The following MGAM variants were observed in gnomAD, a reference collection of about 807,000 sequenced individuals.
The protein encoded by MGAM is alpha-1,4-glucosidase.
Under a neutral mutation model 358.8 loss-of-function variants are expected in MGAM, and 253 were observed. The ratio of observed to expected loss-of-function variants is 0.71; its 90% CI spans 0.64 to 0.78. The LOEUF (loss-of-function observed/expected upper bound fraction) is 0.78, where lower values mean the gene tolerates loss of function less well. Among genes scored for constraint, MGAM ranks in the 30% least tolerant of loss-of-function variants. MGAM has a pLI of 0.00. For missense variants in MGAM, 3,080 were observed against 3,432.6 expected, an observed-to-expected ratio of 0.90 and a Z score of 2.57; for synonymous variants, 1,105 against 1,227.1, an observed-to-expected ratio of 0.90 and a Z score of 2.08.
In MGAM at chr7:142,060,338, G is replaced by A. The variant is rs1265060042; in HGVS notation, c.4087G>A (p.Val1363Met). ...CTGGCCTGATTTTCCTGATGTTGTT[G>A]TGAATGGGTCTCTAGACTGGGACAG... ...KVWPDFPDVV[V>M]NGSLDWDSQV... The change falls in exon 34 of 71, where the codon GTG becomes ATG. Residue 1363 changes from valine (V) to methionine (M), a missense_variant. Val to Met is a conservative substitution (Grantham distance 21). This residue lies in a region of MGAM where 1,816 missense variants were observed against 1,840.5 expected (regional missense o/e 0.99). Transcript: ENST00000475668. 1 of 1,613,944 alleles carries A rather than the reference G, an allele frequency of 6.2e-7. No homozygotes were observed. The highest frequency in any genetic ancestry group is 8.5e-7 in the Non-Finnish European group (1 of 1,179,878).
Position 142,095,593 on chromosome 7 carries a change from C to A in MGAM, c.7487C>A (p.Ala2496Asp). 1 of 1,613,760 alleles carries A rather than the reference C, an allele frequency of 6.2e-7. No individual in the cohort carries two copies. Among genetic ancestry groups the A allele is most frequent in the Non-Finnish European group, 8.5e-7 (1 of 1,179,742 alleles). ...RRQDPVSWDV[A>D]FVNISRTVLQ... ...CAAGACCCTGTGTCCTGGGATGTTG[C>A]TTTTGTGAATATTTCCAGAACTGTC... The change falls in exon 64 of 71, where the codon GCT becomes GAT. Residue 2496 changes from alanine to aspartate, a missense_variant. Coordinates refer to ENST00000475668, the MANE Select transcript of MGAM (RefSeq NM_001365693.1).
intron 57 of MGAM, among the ~76,000 whole-genome samples, chr7:142,087,199 C>A (rs1489637767): frequency 6.9e-6 from 1 of 144,610 alleles, no homozygotes; most frequent in Non-Finnish European, 1.6e-5. Context: ...CCTTTCCACA[C>A]TTATAATTCC....
rs1417776714 is a variant in MGAM at position 142,085,335 on chromosome 7, A to G, written c.6508-498A>G. Among the ~76,000 whole-genome samples, 6 of 146,726 alleles carry G rather than the reference A, an allele frequency of 4.1e-5. 2 individuals carry two copies. In the Admixed American group the frequency reaches 4.1e-4, roughly 10 times the overall value. ...TGAAATGCAATATTTCATTCTCCAGAAGAATGTAGTGTCTGATTTCCCTCA... is the reference window on the plus strand; with the variant it reads ...TGAAATGCAATATTTCATTCTCCAGGAGAATGTAGTGTCTGATTTCCCTCA... On this transcript the variant is annotated intron_variant, in intron 54 of 70. Transcript: ENST00000475668.
intron 57 of MGAM, among the ~76,000 whole-genome samples, chr7:142,091,486 G>T (rs1432108679): frequency 6.9e-5 from 10 of 145,596 alleles, no homozygotes; most frequent in Admixed American, 1.4e-4. Flanking sequence ...CTCCCCTCTC[G>T]CAGTGGGAAT....
In MGAM at chr7:142,036,846, A is replaced by G; in HGVS notation, c.2100A>G (p.Gly700=). The change falls in exon 18 of 71, where the codon GGA becomes GGG. Residue 700 remains glycine (G), a synonymous_variant. Transcript: ENST00000475668. Reference sequence around the variant, plus strand: ...AGGACCAGGATCCTGCCTCCTTTGGAGCTGACTCCCTGCTGTTGAATTCCT... The same window carrying G: ...AGGACCAGGATCCTGCCTCCTTTGGGGCTGACTCCCTGCTGTTGAATTCCT... ...GYKDQDPASF[G]ADSLLLNSSR... 1 of 1,613,548 alleles carries G rather than the reference A, an allele frequency of 6.2e-7. No individual in the cohort carries two copies. Among genetic ancestry groups the G allele is most frequent in the Non-Finnish European group, 8.5e-7 (1 of 1,179,602 alleles).
At chr7:142,098,502 C>T (rs1363072933) in intron 66 of MGAM, among the ~76,000 whole-genome samples, 1 of 152,086 alleles carries the variant, frequency 6.6e-6, no homozygotes, top group Non-Finnish European at 1.5e-5. Flanking sequence ...CCCTTTCATC[C>T]AAGGGGATTG....
At chr7:141,993,834 G>A (rs1410568363), upstream of MGAM, among the ~76,000 whole-genome samples, 9 of 152,228 alleles carry the variant, frequency 5.9e-5, 1 homozygote, top group Middle Eastern at 0.017. Context: ...AATTGCAATC[G>A]CTATTAGACA....
At chr7:142,044,518 T>C (rs111066469) in intron 21 of MGAM, among the ~76,000 whole-genome samples, 3,635 of 89,580 alleles carry the variant, frequency 0.041, 506 homozygotes, top group African/African-American at 0.13. Context: ...ATATAATGTA[T>C]ATTATACACT....
At chr7:142,097,233 A>G (rs1448572799) in intron 65 of MGAM, among the ~76,000 whole-genome samples, 1 of 152,136 alleles carries the variant, frequency 6.6e-6, no homozygotes, top group African/African-American at 2.4e-5. Context: ...CACCGTGTCC[A>G]GCCCGCAAAT....
At chr7:142,041,951 T>TA (rs1261955228) in intron 21 of MGAM, among the ~76,000 whole-genome samples, 743 of 11,150 alleles carry the variant, frequency 0.067, 25 homozygotes, top group African/African-American at 0.092. Context: ...TATATATACA[T>TA]ATATATAATA....
At chr7:142,067,945 TATATATATATATATATATAA>T (rs1411327919) in intron 42 of MGAM, among the ~76,000 whole-genome samples, 2 of 37,276 alleles carry the variant, frequency 5.4e-5, no homozygotes, top group Admixed American at 4.5e-4. Flanking sequence ...AATATATATA[TATATATATATATATATATAA>T]ATATATATAT....
chr7:142,103,874 T>G (rs926500922), intron 70 of MGAM, among the ~76,000 whole-genome samples: 1 of 150,068 alleles, frequency 6.7e-6, no homozygotes, highest in African/African-American at 2.5e-5. Context: ...TTTTTTTTTT[T>G]GAGACGGAGT....
At chr7:142,026,324 T>C (rs1191919625) in intron 8 of MGAM, among the ~76,000 whole-genome samples, 1 of 152,212 alleles carries the variant, frequency 6.6e-6, no homozygotes, top group African/African-American at 2.4e-5. Context: ...TCTGTGGTTA[T>C]GAAAGTCAGA....
chr7:142,063,429 T>C, intron 35 of MGAM, 70 bp from the exon 36 acceptor site: 1 of 1,547,102 alleles, frequency 6.5e-7, no homozygotes, highest in Non-Finnish European at 8.8e-7. Flanking sequence ...ATTCACTACT[T>C]CCTTGGCTCA....
intron 43 of MGAM, among the ~76,000 whole-genome samples, chr7:142,070,730 T>A (rs73740261): frequency 0.097 from 14,043 of 145,374 alleles, 2,086 homozygotes; most frequent in African/African-American, 0.23. Context: ...CAGGTGAGAG[T>A]GTAGCAGTTC....
Position 142,092,386 on chromosome 7 carries a change from T to C in MGAM, c.6946-135T>C. ...CTTTCTAGCCAGTTCTCACCAGGAT[T>C]TGATGAAGCTCCCAGGGCTGGCATC... On this transcript the variant is annotated intron_variant, in intron 58 of 70. Coordinates refer to ENST00000475668, the MANE Select transcript of MGAM (RefSeq NM_001365693.1). 6 of 957,178 alleles carry C rather than the reference T, an allele frequency of 6.3e-6. 3 individuals carry two copies. Among genetic ancestry groups the C allele is most frequent in the Non-Finnish European group, 9.4e-6 (6 of 640,104 alleles). The allele number at this position is 957,178 out of a possible 1,614,324, so 59.3% of individuals were successfully genotyped here. A position where few individuals can be genotyped will look rare whatever the true frequency, so the allele number is the denominator to read the frequency against.
intron 43 of MGAM, among the ~76,000 whole-genome samples, chr7:142,070,197 A>G (rs1460739023): frequency 1.4e-5 from 1 of 72,590 alleles, no homozygotes; most frequent in African/African-American, 3.1e-5. Context: ...TGTCTCAAGA[A>G]AAAAAAAAAA....
chr7:142,043,616 A>G (rs1285459991), intron 21 of MGAM, among the ~76,000 whole-genome samples: 1 of 128,668 alleles, frequency 7.8e-6, no homozygotes, highest in African/African-American at 3.1e-5. Context: ...TATCTAATAT[A>G]TAATACATAT....
At chr7:142,052,594 G>A in intron 25 of MGAM, 148 bp downstream of exon 25, 1 of 1,310,118 alleles carries the variant, frequency 7.6e-7, no homozygotes, top group Admixed American at 2.6e-5. Flanking sequence ...AAGTAGGTGG[G>A]GACATGTGCG....
Sources: gnomAD v4.1 joint callset for allele counts (sites outside exome capture counted in the v4.1 genomes callset) on GRCh38, gnomAD v4.1.1 for gene constraint, gnomAD v4.1.1 regional missense constraint, MANE v1.5 for transcripts, NCBI Gene and HGNC (gene_info 2026-07-23, HGNC 2026-07-21) for gene names.